The following ZZEF1 variants were observed in gnomAD, a reference collection of about 807,000 sequenced individuals.
The protein encoded by ZZEF1 is zinc finger ZZ-type and EF-hand domain containing 1, also known as zinc finger ZZ-type and EF-hand domain-containing protein 1.
A neutral mutation model predicts 342.8 loss-of-function variants in ZZEF1; 157 were observed. The ratio of observed to expected loss-of-function variants is 0.46; its 90% CI spans 0.40 to 0.52. The LOEUF is 0.52. ZZEF1 is among the 20% of genes least tolerant of loss of function. The pLI, the probability that ZZEF1 is intolerant of heterozygous loss-of-function variation, is 0.00. For missense variants in ZZEF1, 3,480 were observed against 3,725.6 expected, an observed-to-expected ratio of 0.93 and a Z score of 1.72; for synonymous variants, 1,505 against 1,429.1, an observed-to-expected ratio of 1.05 and a Z score of -1.20.
At chr17:4,101,240 C>T (rs897022) in intron 9 of ZZEF1, among the ~76,000 whole-genome samples, 143,955 of 152,162 alleles carry the variant, frequency 0.95, 68,599 homozygotes, top group East Asian at 1. Flanking sequence ...GTGCTGAGAA[C>T]GAATACAGGA....
In ZZEF1 at chr17:4,024,908, C is replaced by A; in HGVS notation, c.7092+11G>T. On this transcript the variant is annotated intron_variant, in intron 43 of 54. Transcript: ENST00000381638. ...CCAGATCCACTGCCAACTGGAGAAG[C>A]TCCCCATTACCTTTAGTGTTTTATA... The A allele has an allele frequency of 6.2e-7, 1 of 1,613,862 alleles. No homozygotes were observed. Among genetic ancestry groups the A allele is most frequent in the Non-Finnish European group, 8.5e-7 (1 of 1,179,702 alleles).
intron 8 of ZZEF1, among the ~76,000 whole-genome samples, chr17:4,104,370 C>T (rs949623657): frequency 6.6e-6 from 1 of 152,134 alleles, no homozygotes; most frequent in Non-Finnish European, 1.5e-5. Context: ...ATTTTGCAAG[C>T]AGATCATGGG....
Position 4,019,775 on chromosome 17 carries a change from GGCCAGGGGAGGAC to G in ZZEF1, c.7405-19_7405-7del. 6.2e-7 allele frequency: 1 copy of G among 1,601,446 alleles called. No individual in the cohort carries two copies. The highest frequency in any genetic ancestry group is 8.5e-7 in the Non-Finnish European group (1 of 1,175,490). On this transcript the variant is annotated splice_polypyrimidine_tract_variant and splice_region_variant and intron_variant, in intron 45 of 54. Coordinates refer to ENST00000381638, the MANE Select transcript of ZZEF1 (RefSeq NM_015113.4). ...TTGAGGGCATCATGAGCCATCTGGA[GGCCAGGGGAGGAC>G]GCAGACAAGAACCATTAACAGTGCT...
rs191216595 is a variant in ZZEF1, at chr17:4,111,051, C to T, written c.1067-1188G>A. 2.2e-4 allele frequency among the ~76,000 whole-genome samples: 34 copies of T among 152,064 alleles called. No homozygotes were observed. The East Asian group carries it at 3.3e-3, about 15-fold the overall frequency. On this transcript the variant is annotated intron_variant, in intron 5 of 54. Coordinates refer to ENST00000381638, the MANE Select transcript of ZZEF1 (RefSeq NM_015113.4). ...TTTTACAACACTAAATAAGGATATT[C>T]GTGAATATAACACACTCTAAAAAAT...
chr17:4,018,639 G>A (rs1242238987), intron 46 of ZZEF1, among the ~76,000 whole-genome samples: 1 of 152,172 alleles, frequency 6.6e-6, no homozygotes, highest in Non-Finnish European at 1.5e-5. Context: ...AACGCAGTCT[G>A]AACAGGTGGA....
At chr17:4,104,961 G>A in intron 7 of ZZEF1, 150 bp from the exon 8 acceptor site, 1 of 632,616 alleles carries the variant, frequency 1.6e-6, no homozygotes, top group Non-Finnish European at 2.6e-6. Context: ...AATCCTTAAG[G>A]TAACCTAAGG....
intron 39 of ZZEF1, among the ~76,000 whole-genome samples, chr17:4,039,889 C>T (rs2056766038): frequency 6.6e-6 from 1 of 151,900 alleles, no homozygotes; most frequent in Admixed American, 6.6e-5. Flanking sequence ...CATGATCTGC[C>T]CGCCTTGGCC....
At chr17:4,089,328 G>A (rs2057900656) in intron 12 of ZZEF1, among the ~76,000 whole-genome samples, 1 of 152,122 alleles carries the variant, frequency 6.6e-6, no homozygotes. Context: ...CAAATCTAGG[G>A]CCATTTTCCA....
chr17:4,133,850 T>C (rs2145600336), intron 1 of ZZEF1, among the ~76,000 whole-genome samples: 1 of 151,942 alleles, frequency 6.6e-6, no homozygotes, highest in East Asian at 1.9e-4. Flanking sequence ...GCCTCCTGAG[T>C]GGCTGGGACA....
At chr17:4,101,781 C>T (rs368951133) in intron 9 of ZZEF1, among the ~76,000 whole-genome samples, 18 of 152,120 alleles carry the variant, frequency 1.2e-4, no homozygotes, top group African/African-American at 4.1e-4. Context: ...TGCCCTGCCA[C>T]CACAACAGCT....
intron 42 of ZZEF1, among the ~76,000 whole-genome samples, chr17:4,030,968 C>T (rs956118047): frequency 2.0e-4 from 30 of 152,060 alleles, no homozygotes; most frequent in African/African-American, 7.0e-4. Context: ...CACTTGAGGT[C>T]GGGAGTTTGA....
At chr17:4,122,422 A>T (rs751421312) in intron 2 of ZZEF1, among the ~76,000 whole-genome samples, 18 of 150,844 alleles carry the variant, frequency 1.2e-4, no homozygotes, top group Middle Eastern at 3.4e-3. Flanking sequence ...CTTGTTGCCC[A>T]GGCTGGAGTG....
intron 8 of ZZEF1, among the ~76,000 whole-genome samples, chr17:4,102,715 C>T (rs977447809): frequency 1.3e-5 from 2 of 152,090 alleles, no homozygotes; most frequent in Non-Finnish European, 2.9e-5. Context: ...AGATTGAACA[C>T]ATTTGGGGGG....
chr17:4,022,727 C>A lies in ZZEF1; in HGVS notation c.7194G>T (p.Trp2398Cys). The change falls in exon 44 of 55, where the codon TGG becomes TGT. Residue 2398 changes from tryptophan (W) to cysteine (C), a missense_variant. This residue lies in a region of ZZEF1 where 1,269 missense variants were observed against 1,342.4 expected (regional missense o/e 0.95). Transcript: ENST00000381638. ...CTCTTACTTCCAGGTCCCGGAGGAG[C>A]CACGTTTTACTAAAGCCAGTCCCTT... ...CSKGTGFSKT[W>C]LLRDLEILSI... 1.2e-6 allele frequency: 2 copies of A among 1,613,858 alleles called. No individual in the cohort carries two copies. Among genetic ancestry groups the A allele is most frequent in the African/African-American group, 2.7e-5 (2 of 74,994 alleles).
At position 4,090,833 on chromosome 17, in the gene ZZEF1, G is replaced by A; in HGVS notation, c.1914-3C>T. On this transcript the variant is annotated splice_region_variant and splice_polypyrimidine_tract_variant and intron_variant, in intron 11 of 54. Transcript: ENST00000381638. ...GGTCATCAGATGAGCAACCAATCCTGTAAAGACAAGAGTATTCACAAAACA... is the reference window on the plus strand; with the variant it reads ...GGTCATCAGATGAGCAACCAATCCTATAAAGACAAGAGTATTCACAAAACA... 6.2e-7 allele frequency: 1 copy of A among 1,609,720 alleles called. No individual in the cohort carries two copies. Among genetic ancestry groups the A allele is most frequent in the Non-Finnish European group, 8.5e-7 (1 of 1,176,204 alleles).
rs796887539 is a variant in ZZEF1 at position 4,009,281 on chromosome 17, T to G, written c.8733+323A>C. On this transcript the variant is annotated intron_variant, in intron 53 of 54. Coordinates refer to ENST00000381638, the MANE Select transcript of ZZEF1 (RefSeq NM_015113.4). ...CCCACATTCAATCAGTCTATTGTGC[T>G]GAGGGGAGGAAAAAAAGAGAAGGAA... is the stretch of plus-strand genomic sequence containing the variant. 2.4e-4 allele frequency: 134 copies of G among 562,684 alleles called. 2 individuals are homozygous for G. In the South Asian group the frequency reaches 2.6e-3, roughly 11 times the overall value. The allele number at this position is 562,684 out of a possible 1,614,324, so 34.9% of individuals were successfully genotyped here.
At chr17:4,091,871 A>G (rs764929318) in intron 11 of ZZEF1, among the ~76,000 whole-genome samples, 20 of 151,052 alleles carry the variant, frequency 1.3e-4, no homozygotes, top group Non-Finnish European at 2.5e-4. Context: ...GAGGTCAGGA[A>G]TTCGAGACCA....
intron 52 of ZZEF1, 105 bp from the exon 53 acceptor site, chr17:4,009,862 C>T (rs964917754): frequency 7.4e-7 from 1 of 1,342,600 alleles, no homozygotes; most frequent in African/African-American, 1.5e-5. Context: ...TCTCCCACAG[C>T]TGGTACAAAT....
intron 1 of ZZEF1, among the ~76,000 whole-genome samples, chr17:4,137,372 A>T (rs150504304): frequency 2.2e-4 from 34 of 152,320 alleles, no homozygotes; most frequent in African/African-American, 8.2e-4. Context: ...GCACTTTGGG[A>T]GGCCGAGGTG....
Sources: allele counts gnomAD v4.1 joint callset (sites outside exome capture counted in the v4.1 genomes callset), GRCh38; gene constraint gnomAD v4.1.1; regional missense constraint gnomAD v4.1.1; transcripts MANE v1.5; gene names NCBI Gene and HGNC (gene_info 2026-07-23, HGNC 2026-07-21).